NUBPL: variants seen among roughly 807,000 people sequenced by gnomAD.
NUBPL encodes the protein iron-sulfur cluster transfer protein NUBPL.
Under a neutral mutation model 45.7 loss-of-function variants are expected in NUBPL, and 31 were observed. The ratio of observed to expected loss-of-function variants is 0.68; its 90% confidence interval spans 0.51 to 0.92. NUBPL has a LOEUF of 0.92. Ranked by LOEUF, NUBPL falls within the 40% of genes least tolerant of loss-of-function variation. The pLI, the probability that NUBPL is intolerant of heterozygous loss-of-function variation, is 0.00. For synonymous variants in NUBPL, 144 were observed against 140.9 expected (o/e 1.02, Z -0.15); for missense variants, 401 against 398.7 (o/e 1.01, Z -0.05).
At chr14:31,842,906 T>C (rs142958523) in intron 8 of NUBPL, among the ~76,000 whole-genome samples, 48 of 152,322 alleles carry the variant, frequency 3.2e-4, no homozygotes, top group African/African-American at 1.1e-3. Context: ...AAATTGAAAT[T>C]GAAAGGAAAT....
chr14:31,835,058 G>C (rs1289051330), intron 8 of NUBPL, among the ~76,000 whole-genome samples: 2 of 152,114 alleles, frequency 1.3e-5, no homozygotes, highest in African/African-American at 4.8e-5. Flanking sequence ...TTGAAAATGG[G>C]GAGGAGTTAA....
chr14:31,810,733 C>T (rs1164363886), intron 7 of NUBPL, among the ~76,000 whole-genome samples: 1 of 152,152 alleles, frequency 6.6e-6, no homozygotes, highest in Non-Finnish European at 1.5e-5. Context: ...TACACTTTGG[C>T]ATGTTTTTGC....
chr14:31,662,980 C>G (rs1227207206), intron 4 of NUBPL, among the ~76,000 whole-genome samples: 1 of 152,192 alleles, frequency 6.6e-6, no homozygotes, highest in East Asian at 1.9e-4. Flanking sequence ...ATTTGCATTT[C>G]TTTAATGACC....
intron 4 of NUBPL, among the ~76,000 whole-genome samples, chr14:31,642,362 T>C (rs2035728806): frequency 6.6e-6 from 1 of 152,210 alleles, no homozygotes; most frequent in African/African-American, 2.4e-5. Flanking sequence ...TTTTTGTACA[T>C]GGTGAGAAAT....
intron 4 of NUBPL, among the ~76,000 whole-genome samples, chr14:31,605,020 C>T (rs2034546861): frequency 6.6e-6 from 1 of 152,156 alleles, no homozygotes; most frequent in Non-Finnish European, 1.5e-5. Context: ...CTTTGGGAAG[C>T]TAGTGGGATT....
intron 6 of NUBPL, chr14:31,771,770 C>G (rs2039013665): frequency 2.0e-6 from 1 of 494,402 alleles, no homozygotes; most frequent in Admixed American, 6.4e-5. Flanking sequence ...CTATTAATTT[C>G]CTTGTGCTCT....
At chr14:31,713,259 C>T (rs112337196) in intron 6 of NUBPL, among the ~76,000 whole-genome samples, 1,608 of 152,238 alleles carry the variant, frequency 0.011, 24 homozygotes, top group African/African-American at 0.037. Context: ...CATGGCACAC[C>T]AGGAATTTTA....
At chr14:31,756,107 G>A (rs1490296363) in intron 6 of NUBPL, among the ~76,000 whole-genome samples, 2 of 151,606 alleles carry the variant, frequency 1.3e-5, no homozygotes, top group Non-Finnish European at 3.0e-5. Context: ...CTGTAGCCTT[G>A]TAGTATAGTT....
intron 3 of NUBPL, among the ~76,000 whole-genome samples, chr14:31,588,901 G>A: frequency 7.8e-6 from 1 of 128,842 alleles, no homozygotes. Flanking sequence ...GCAACAGAGT[G>A]AGACTCCGTC....
chr14:31,693,800 TA>T (rs60070958), intron 6 of NUBPL, among the ~76,000 whole-genome samples: 45,499 of 94,580 alleles, frequency 0.48, 9,510 homozygotes, highest in East Asian at 0.58. Flanking sequence ...AAGACAAAAT[TA>T]AAAAAAAAAA....
At chr14:31,806,778 C>CA (rs1455283418) in intron 7 of NUBPL, among the ~76,000 whole-genome samples, 2 of 152,104 alleles carry the variant, frequency 1.3e-5, no homozygotes, top group African/African-American at 4.8e-5. Context: ...CCCATCCCCC[C>CA]ACACCACGAC....
chr14:31,638,486 G>A (rs1398499475), intron 4 of NUBPL, among the ~76,000 whole-genome samples: 8 of 151,714 alleles, frequency 5.3e-5, no homozygotes, highest in Admixed American at 2.0e-4. Context: ...TTCCCTTTGT[G>A]GGTAACCCGA....
chr14:31,658,656 G>T lies in NUBPL; in HGVS notation c.383-14699G>T, dbSNP rs975982340. On this transcript the variant is annotated intron_variant, in intron 4 of 10. Transcript: ENST00000281081. Reference sequence around the variant, plus strand: ...GCCTCCTGAGTAGCTGGGACTTCAGGCACGCGCTACCATGCCGGCTAATCT... The same window carrying T: ...GCCTCCTGAGTAGCTGGGACTTCAGTCACGCGCTACCATGCCGGCTAATCT... 1.7e-4 allele frequency among the ~76,000 whole-genome samples: 26 copies of T among 151,986 alleles called. 1 individual carries two copies. Among genetic ancestry groups the T allele is most frequent in the African/African-American group, 6.3e-4 (26 of 41,374 alleles).
intron 9 of NUBPL, among the ~76,000 whole-genome samples, chr14:31,849,175 T>C (rs920118201): frequency 2.0e-5 from 3 of 152,216 alleles, no homozygotes; most frequent in African/African-American, 7.2e-5. Context: ...TATACTGTAA[T>C]ATTTTTATAA....
chr14:31,848,331 G>C (rs979806574), intron 9 of NUBPL, among the ~76,000 whole-genome samples: 52 of 152,348 alleles, frequency 3.4e-4, no homozygotes, highest in African/African-American at 1.2e-3. Context: ...AATTGGGAAT[G>C]AGGAACTGAA....
At chr14:31,832,557 A>G (rs1178918022) in intron 8 of NUBPL, among the ~76,000 whole-genome samples, 8 of 152,184 alleles carry the variant, frequency 5.3e-5, no homozygotes, top group Admixed American at 5.2e-4. Context: ...GTCAAGGAAG[A>G]AACTGGTAAA....
At chr14:31,842,662 G>A (rs577746160) in intron 8 of NUBPL, among the ~76,000 whole-genome samples, 26 of 152,208 alleles carry the variant, frequency 1.7e-4, no homozygotes, top group African/African-American at 5.8e-4. Context: ...GTGTGTCGTG[G>A]AAACAGGGTC....
intron 3 of NUBPL, among the ~76,000 whole-genome samples, chr14:31,590,908 T>A (rs892124371): frequency 3.5e-4 from 53 of 152,166 alleles, no homozygotes; most frequent in Non-Finnish European, 7.5e-4. Flanking sequence ...GACCAAGATT[T>A]AAAGTTTTTC....
chr14:31,804,281 G>A (rs1473459132), intron 7 of NUBPL, among the ~76,000 whole-genome samples: 2 of 152,170 alleles, frequency 1.3e-5, no homozygotes, highest in African/African-American at 4.8e-5. Context: ...AGATAACGAA[G>A]TATATTTTAA....
Sources: gnomAD v4.1 joint callset for allele counts (sites outside exome capture counted in the v4.1 genomes callset) on GRCh38, gnomAD v4.1.1 for gene constraint, MANE v1.5 for transcripts, NCBI Gene and HGNC (gene_info 2026-07-23, HGNC 2026-07-21) for gene names.